NUP210L: variants seen among roughly 807,000 people sequenced by gnomAD.
NUP210L encodes nucleoporin 210 like, also known as nuclear pore membrane glycoprotein 210-like.
A neutral mutation model predicts 208.5 loss-of-function variants in NUP210L; 74 were observed. The ratio of observed to expected loss-of-function variants is 0.35; its 90% CI spans 0.29 to 0.43. The LOEUF (loss-of-function observed/expected upper bound fraction) is 0.43. NUP210L is among the 20% of genes least tolerant of loss of function. NUP210L has a pLI of 1.00. For missense variants in NUP210L, 1,843 were observed against 2,289.4 expected (o/e 0.81, Z 3.98); for synonymous variants, 780 against 816.9 (o/e 0.95, Z 0.77).
chr1:154,114,120 G>T (rs1657194428), intron 12 of NUP210L, among the ~76,000 whole-genome samples: 1 of 148,714 alleles, frequency 6.7e-6, no homozygotes, highest in Admixed American at 6.8e-5. Context: ...TCCAGCCTGG[G>T]CAACAGCGCA....
intron 27 of NUP210L, 83 bp from the exon 28 acceptor site, chr1:154,030,137 A>T (rs757628497): frequency 9.0e-5 from 86 of 960,842 alleles, no homozygotes; most frequent in Non-Finnish European, 1.1e-4. Context: ...TTAATATTAA[A>T]TTTTTTTTTA....
At chr1:154,029,777 C>T (rs1395924764) in intron 28 of NUP210L, 119 bp downstream of exon 28, 7 of 739,936 alleles carry the variant, frequency 9.5e-6, no homozygotes, top group Non-Finnish European at 1.5e-5. Context: ...CAAACCTGTT[C>T]CAGGAATCGC....
At chr1:154,030,887 A>G (rs112670864) in intron 27 of NUP210L, among the ~76,000 whole-genome samples, 115 of 152,118 alleles carry the variant, frequency 7.6e-4, no homozygotes, top group African/African-American at 2.1e-3. Context: ...ATGTGCCACC[A>G]TGTGCCAATT....
At chr1:153,993,427 G>A (rs944167397) in intron 38 of NUP210L, among the ~76,000 whole-genome samples, 1 of 152,066 alleles carries the variant, frequency 6.6e-6, no homozygotes, top group Non-Finnish European at 1.5e-5. Flanking sequence ...TTAGCTGGGC[G>A]TGTTGGCGGG....
intron 30 of NUP210L, 131 bp downstream of exon 30, chr1:154,025,411 C>G: frequency 5.3e-6 from 1 of 188,898 alleles, no homozygotes; most frequent in Non-Finnish European, 8.3e-6. Context: ...GTTTCTAATT[C>G]TTTTCTTTTT....
intron 16 of NUP210L, among the ~76,000 whole-genome samples, chr1:154,072,002 A>C (rs1216765968): frequency 6.7e-6 from 1 of 149,198 alleles, no homozygotes; most frequent in Non-Finnish European, 1.5e-5. Context: ...GTGTGTGTGT[A>C]TCACAGTTTC....
At chr1:154,057,007 C>A in intron 22 of NUP210L, 60 bp from the exon 23 acceptor site, 1 of 1,551,014 alleles carries the variant, frequency 6.4e-7, no homozygotes, top group Non-Finnish European at 8.8e-7. Context: ...AAGACAGGGT[C>A]TTACTCTGTC....
intron 35 of NUP210L, among the ~76,000 whole-genome samples, chr1:154,006,817 CATATATATAT>C (rs376666558): frequency 2.6e-5 from 3 of 114,666 alleles, no homozygotes; most frequent in South Asian, 2.8e-4. Context: ...CTTACCATGC[CATATATATAT>C]ATATATATAT....
At chr1:153,993,850 A>G (rs1425634968) in intron 38 of NUP210L, among the ~76,000 whole-genome samples, 2 of 152,100 alleles carry the variant, frequency 1.3e-5, no homozygotes, top group African/African-American at 4.8e-5. Flanking sequence ...GTGAGCCAAG[A>G]TTGCACCACT....
At chr1:154,146,910 A>C (rs1475116721) in intron 2 of NUP210L, among the ~76,000 whole-genome samples, 1 of 152,002 alleles carries the variant, frequency 6.6e-6, no homozygotes, top group Non-Finnish European at 1.5e-5. Flanking sequence ...TGCAGCCTCG[A>C]ACTCCTGGGC....
intron 2 of NUP210L, among the ~76,000 whole-genome samples, chr1:154,147,750 G>A (rs1473965623): frequency 2.0e-5 from 3 of 149,984 alleles, no homozygotes; most frequent in African/African-American, 7.4e-5. Context: ...GGGGTTCTGG[G>A]GTTCAAGCAA....
intron 14 of NUP210L, among the ~76,000 whole-genome samples, chr1:154,095,446 C>T (rs1253591426): frequency 1.3e-5 from 2 of 152,182 alleles, no homozygotes; most frequent in African/African-American, 4.8e-5. Flanking sequence ...CTGTACCATT[C>T]ATTTGTACCC....
intron 27 of NUP210L, among the ~76,000 whole-genome samples, 155 bp downstream of exon 27, chr1:154,045,913 AG>A (rs1653148271): frequency 3.3e-5 from 5 of 152,182 alleles, no homozygotes; most frequent in Admixed American, 2.0e-4. Context: ...TTAGCCTAGG[AG>A]GTGGAGGTTG....
intron 12 of NUP210L, among the ~76,000 whole-genome samples, chr1:154,117,293 A>G (rs891577166): frequency 2.6e-5 from 4 of 152,172 alleles, no homozygotes; most frequent in Non-Finnish European, 5.9e-5. Flanking sequence ...TAAAATATGT[A>G]TTTCTGGCTG....
intron 30 of NUP210L, among the ~76,000 whole-genome samples, chr1:154,024,657 G>A (rs1651753649): frequency 6.6e-6 from 1 of 151,264 alleles, no homozygotes; most frequent in East Asian, 2.0e-4. Flanking sequence ...CAAGCAGCTA[G>A]GACTGCAGAC....
chr1:154,134,102 A>G (rs1019590583), intron 7 of NUP210L, among the ~76,000 whole-genome samples: 1 of 151,340 alleles, frequency 6.6e-6, no homozygotes, highest in African/African-American at 2.4e-5. Context: ...GTGAGCAGAA[A>G]TCGCGCCACT....
At chr1:154,033,389 T>C (rs892519026) in intron 27 of NUP210L, among the ~76,000 whole-genome samples, 1 of 152,224 alleles carries the variant, frequency 6.6e-6, no homozygotes, top group African/African-American at 2.4e-5. Context: ...AGGTCTCAGA[T>C]TTAAGTCTTT....
chr1:154,056,602 G>A (rs377743697), intron 23 of NUP210L, among the ~76,000 whole-genome samples: 1 of 151,954 alleles, frequency 6.6e-6, no homozygotes, highest in African/African-American at 2.4e-5. Flanking sequence ...TTTTATTTTT[G>A]TAGAGACAGA....
At chr1:154,030,160 A>G (rs902305710) in intron 27 of NUP210L, 106 bp from the exon 28 acceptor site, 6 of 772,552 alleles carry the variant, frequency 7.8e-6, no homozygotes, top group Non-Finnish European at 9.3e-6. Flanking sequence ...TTAAAAATAA[A>G]AAGTCAGGAA....
Sources: allele counts gnomAD v4.1 joint callset (sites outside exome capture counted in the v4.1 genomes callset), GRCh38; gene constraint gnomAD v4.1.1; transcripts MANE v1.5; gene names NCBI Gene and HGNC (gene_info 2026-07-23, HGNC 2026-07-21).